The following CNGA1 variants were observed in gnomAD, a reference collection of about 807,000 sequenced individuals.
CNGA1 encodes cyclic nucleotide-gated channel alpha-1.
Under a neutral mutation model 69.7 loss-of-function variants are expected in CNGA1, and 53 were observed. That is an observed-to-expected ratio of 0.76 (90% CI 0.61 to 0.96). CNGA1 has a LOEUF of 0.96. Among genes scored for constraint, CNGA1 ranks in the 40% least tolerant of loss-of-function variants. The pLI is 0.00. For missense variants in CNGA1, 739 were observed against 811.2 expected, an observed-to-expected ratio of 0.91 and a Z score of 1.08; for synonymous variants, 249 against 283.5, an observed-to-expected ratio of 0.88 and a Z score of 1.22.
At chr4:48,009,149 T>G (rs1397832692) in intron 2 of CNGA1, among the ~76,000 whole-genome samples, 1 of 152,198 alleles carries the variant, frequency 6.6e-6, no homozygotes, top group Non-Finnish European at 1.5e-5. Context: ...ACTTTATCAG[T>G]AATTTTAAAG....
chr4:48,011,634 T>A (rs1258249513), intron 1 of CNGA1, among the ~76,000 whole-genome samples: 3 of 152,006 alleles, frequency 2.0e-5, no homozygotes, highest in East Asian at 1.9e-4. Context: ...CCCAAGGTGG[T>A]CAGGGTGAGG....
intron 2 of CNGA1, among the ~76,000 whole-genome samples, chr4:48,007,290 GC>G (rs1187644163): frequency 6.6e-6 from 1 of 152,150 alleles, no homozygotes; most frequent in Non-Finnish European, 1.5e-5. Flanking sequence ...ATCTGACACA[GC>G]GGTCCATATG....
chr4:47,944,649 C>T (rs1198442356), intron 6 of CNGA1, among the ~76,000 whole-genome samples: 1 of 152,088 alleles, frequency 6.6e-6, no homozygotes, highest in Non-Finnish European at 1.5e-5. Context: ...AATTATGTTC[C>T]CAAAGAGGGC....
chr4:47,965,071 TG>T (rs1238861610), intron 3 of CNGA1, among the ~76,000 whole-genome samples: 1 of 152,202 alleles, frequency 6.6e-6, no homozygotes, highest in Non-Finnish European at 1.5e-5. Context: ...TTAGTTTTAA[TG>T]TCTAATTGCC....
chr4:48,001,938 C>T (rs1480705121), intron 2 of CNGA1, among the ~76,000 whole-genome samples: 1 of 152,118 alleles, frequency 6.6e-6, no homozygotes, highest in South Asian at 2.1e-4. Flanking sequence ...CTTCATAACC[C>T]ATGGGTCAAA....
chr4:48,009,783 G>A (rs1015917086), intron 2 of CNGA1, among the ~76,000 whole-genome samples: 4 of 152,098 alleles, frequency 2.6e-5, no homozygotes, highest in Non-Finnish European at 5.9e-5. Flanking sequence ...CAGCCTGGGC[G>A]ACAGGAGCGA....
At chr4:47,988,262 T>C (rs1489266266) in intron 2 of CNGA1, among the ~76,000 whole-genome samples, 1 of 152,108 alleles carries the variant, frequency 6.6e-6, no homozygotes, top group Non-Finnish European at 1.5e-5. Context: ...AAAAGCAAGC[T>C]TGGGGTAGAG....
intron 2 of CNGA1, among the ~76,000 whole-genome samples, chr4:48,004,631 T>A (rs1465187145): frequency 1.3e-5 from 2 of 151,908 alleles, no homozygotes; most frequent in African/African-American, 4.8e-5. Context: ...TCATGTCCTA[T>A]AAAGAGAAAA....
intron 3 of CNGA1, chr4:47,971,166 ATTTG>A (rs1222384717): frequency 2.4e-6 from 1 of 408,504 alleles, no homozygotes; most frequent in Non-Finnish European, 4.7e-6. Context: ...AAATATCTAT[ATTTG>A]TGTGTGTGTG....
intron 3 of CNGA1, chr4:47,971,226 C>G: frequency 6.4e-6 from 2 of 313,658 alleles, no homozygotes. Context: ...GTGAGAATCT[C>G]TCTGGAAAAA....
At chr4:47,997,178 T>A (rs535504565) in intron 2 of CNGA1, among the ~76,000 whole-genome samples, 34 of 152,308 alleles carry the variant, frequency 2.2e-4, no homozygotes, top group African/African-American at 7.7e-4. Context: ...TTATTACCCT[T>A]CCCCAAAACT....
intron 2 of CNGA1, among the ~76,000 whole-genome samples, chr4:48,006,178 A>T (rs1714907687): frequency 6.6e-6 from 1 of 152,126 alleles, no homozygotes; most frequent in African/African-American, 2.4e-5. Context: ...AAAGTTTTTC[A>T]TCTATTCTGA....
At position 47,963,884 on chromosome 4, in the gene CNGA1, T is replaced by G. The variant is rs919841200; in HGVS notation, c.-14-11181A>C. On this transcript the variant is annotated intron_variant, in intron 3 of 10. Coordinates refer to ENST00000514170, the MANE Select transcript of CNGA1 (RefSeq NM_001379270.1). ...ATTGAAAGTAAAATCAATAATGACTTAAATTTTATAAAATGTTAAATATTC... is the reference window on the plus strand; with the variant it reads ...ATTGAAAGTAAAATCAATAATGACTGAAATTTTATAAAATGTTAAATATTC... Among the ~76,000 whole-genome samples the G allele has an allele frequency of 7.9e-5, 12 of 152,328 alleles. No individual in the cohort carries two copies. The East Asian group carries it at 1.4e-3, about 17-fold the overall frequency.
chr4:48,002,592 A>T (rs1003102177), intron 2 of CNGA1, among the ~76,000 whole-genome samples: 2 of 146,130 alleles, frequency 1.4e-5, no homozygotes, highest in African/African-American at 5.2e-5. Flanking sequence ...AATAGGCGTC[A>T]AAGCTGCCCT....
At chr4:47,964,586 T>A (rs979982184) in intron 3 of CNGA1, among the ~76,000 whole-genome samples, 3 of 152,100 alleles carry the variant, frequency 2.0e-5, no homozygotes, top group Non-Finnish European at 4.4e-5. Flanking sequence ...TGGTGCAAGG[T>A]ATACAGTAGA....
chr4:47,955,184 T>TC (rs1560628272), intron 3 of CNGA1, among the ~76,000 whole-genome samples: 3 of 35,810 alleles, frequency 8.4e-5, no homozygotes, highest in Non-Finnish European at 2.9e-4. Flanking sequence ...TTTTTTTTTT[T>TC]TTTTTTTTTT....
At chr4:47,990,861 G>T (rs1333276329) in intron 2 of CNGA1, among the ~76,000 whole-genome samples, 3 of 152,162 alleles carry the variant, frequency 2.0e-5, no homozygotes, top group Admixed American at 6.5e-5. Context: ...CATCCTCATA[G>T]CTTAGCTCCC....
At chr4:47,955,742 TG>T (rs1740051656) in intron 3 of CNGA1, among the ~76,000 whole-genome samples, 1 of 152,258 alleles carries the variant, frequency 6.6e-6, no homozygotes, top group Admixed American at 6.5e-5. Context: ...CACTGCATTT[TG>T]TACATATTTC....
At chr4:47,960,861 C>G (rs980522556) in intron 3 of CNGA1, among the ~76,000 whole-genome samples, 1 of 151,816 alleles carries the variant, frequency 6.6e-6, no homozygotes, top group Non-Finnish European at 1.5e-5. Context: ...TAAGGACAGG[C>G]AAAACATTGG....
Sources: allele counts gnomAD v4.1 joint callset (sites outside exome capture counted in the v4.1 genomes callset), GRCh38; gene constraint gnomAD v4.1.1; transcripts MANE v1.5; gene names NCBI Gene and HGNC (gene_info 2026-07-23, HGNC 2026-07-21).